LPP: variants seen among roughly 807,000 people sequenced by gnomAD.
LPP encodes lipoma-preferred partner.
In LPP, 38 loss-of-function variants were observed where a neutral mutation model predicts 60.4. The observed-to-expected ratio is 0.63, with a 90% CI of 0.49 to 0.83. The LOEUF is 0.83. Ranked by LOEUF, LPP falls within the 40% of genes least tolerant of loss-of-function variation. The pLI is 0.00. For synonymous variants in LPP, 328 were observed against 290.8 expected (o/e 1.13, Z -1.30); for missense variants, 902 against 783.6 (o/e 1.15, Z -1.80).
Position 188,882,487 on chromosome 3 carries a change from C to T in LPP, c.*8008C>T, listed in dbSNP as rs138387454. The T allele has an allele frequency of 3.7e-3, 837 of 226,406 alleles. 7 individuals carry two copies. The highest frequency in any genetic ancestry group is 0.018 in the African/African-American group (791 of 45,048). The allele number at this position is 226,406 out of a possible 1,614,324, so 14.0% of individuals were successfully genotyped here. ...AGAAGATGATCTGCCAAAATATAAC[C>T]CAGCATGCACAGTATGGACAGGAAG... On this transcript the variant is annotated 3_prime_UTR_variant, in exon 12 of 12. Transcript: ENST00000617246.
Position 188,674,641 on chromosome 3 carries a change from TTTC to T in LPP, c.1114-33620_1114-33618del, listed in dbSNP as rs1857621711. On this transcript the variant is annotated intron_variant, in intron 7 of 11. Coordinates refer to ENST00000617246, the MANE Select transcript of LPP (RefSeq NM_001375462.1). ...ACTTTTCAACAAACATTGGGCTGGGTTTCTTCTTTACATTTTCTCATTTAATCT... is the reference window on the plus strand; with the variant it reads ...ACTTTTCAACAAACATTGGGCTGGGTTTCTTTACATTTTCTCATTTAATCT... Among the ~76,000 whole-genome samples the T allele has an allele frequency of 2.6e-5, 4 of 152,294 alleles. No homozygotes were observed. In the South Asian group the frequency reaches 8.3e-4, roughly 32 times the overall value.
At chr3:188,525,379 TC>T (rs1820318545) in intron 6 of LPP, among the ~76,000 whole-genome samples, 1 of 152,236 alleles carries the variant, frequency 6.6e-6, no homozygotes, top group Non-Finnish European at 1.5e-5. Context: ...TTGAGTACTT[TC>T]TTTAAAAATA....
intron 8 of LPP, among the ~76,000 whole-genome samples, chr3:188,731,145 A>C (rs1223505302): frequency 2.6e-5 from 4 of 152,220 alleles, no homozygotes; most frequent in African/African-American, 9.6e-5. Flanking sequence ...TGCCTGTGAC[A>C]GTGCTCTTCT....
chr3:188,521,590 A>C (rs914638606), intron 5 of LPP, among the ~76,000 whole-genome samples: 1 of 152,190 alleles, frequency 6.6e-6, no homozygotes, highest in Non-Finnish European at 1.5e-5. Context: ...ATAATTAACA[A>C]TAGCTATATT....
At chr3:188,620,104 G>T (rs894521830) in intron 7 of LPP, among the ~76,000 whole-genome samples, 5 of 151,780 alleles carry the variant, frequency 3.3e-5, no homozygotes, top group African/African-American at 1.2e-4. Flanking sequence ...ACCTCATTCA[G>T]TATTTTTATA....
At chr3:188,787,738 T>C (rs4082871) in intron 9 of LPP, among the ~76,000 whole-genome samples, 97,170 of 152,026 alleles carry the variant, frequency 0.64, 31,479 homozygotes, top group East Asian at 0.9. Context: ...CTTCATTCCT[T>C]AAATTCTCCA....
In LPP at chr3:188,462,542, CTTTATATATATATA is replaced by C. The variant is rs1242282885; in HGVS notation, c.194-22048_194-22035del. Among the ~76,000 whole-genome samples the C allele has an allele frequency of 1.2e-3, 76 of 64,290 alleles. 2 individuals are homozygous for C. The highest frequency in any genetic ancestry group is 3.3e-3 in the Admixed American group (19 of 5,774). The allele number at this position is 64,290 out of a possible 152,430, so 42.2% of individuals were successfully genotyped here. On this transcript the variant is annotated intron_variant, in intron 4 of 11. Coordinates refer to ENST00000617246, the MANE Select transcript of LPP (RefSeq NM_001375462.1). ...TATAAATTTAGCCAATTTATATGAG[CTTTATATATATATA>C]TATATATATATATATATATATATAT...
intron 3 of LPP, among the ~76,000 whole-genome samples, chr3:188,403,905 G>A (rs1188488733): frequency 2.6e-5 from 4 of 152,096 alleles, no homozygotes; most frequent in African/African-American, 9.7e-5. Context: ...GTATGTGTGT[G>A]TATATATGAA....
At chr3:188,787,601 G>C (rs1354501712) in intron 9 of LPP, among the ~76,000 whole-genome samples, 1 of 152,008 alleles carries the variant, frequency 6.6e-6, no homozygotes, top group African/African-American at 2.4e-5. Context: ...TATCATTCTT[G>C]AGCTCTTGCA....
At chr3:188,510,119 A>G (rs1815006675) in intron 5 of LPP, among the ~76,000 whole-genome samples, 2 of 152,192 alleles carry the variant, frequency 1.3e-5, no homozygotes, top group African/African-American at 4.8e-5. Flanking sequence ...GGAACATTTC[A>G]TAAGAAAGCC....
intron 6 of LPP, among the ~76,000 whole-genome samples, chr3:188,553,129 G>A (rs1171623999): frequency 6.6e-6 from 1 of 152,118 alleles, no homozygotes; most frequent in Non-Finnish European, 1.5e-5. Context: ...CAATTGAAGT[G>A]GGTAGCTTGT....
At chr3:188,540,392 T>A (rs1180354612) in intron 6 of LPP, among the ~76,000 whole-genome samples, 1 of 152,246 alleles carries the variant, frequency 6.6e-6, no homozygotes, top group Non-Finnish European at 1.5e-5. Context: ...ATTTGTTATA[T>A]GCAAACATAA....
intron 1 of LPP, among the ~76,000 whole-genome samples, chr3:188,174,828 G>T (rs1180353328): frequency 6.6e-6 from 1 of 152,034 alleles, no homozygotes; most frequent in Non-Finnish European, 1.5e-5. Context: ...CTTGATTTCT[G>T]CCCATCCCCC....
intron 7 of LPP, among the ~76,000 whole-genome samples, chr3:188,628,771 A>T (rs1166910889): frequency 1.3e-5 from 2 of 152,108 alleles, no homozygotes; most frequent in African/African-American, 4.8e-5. Flanking sequence ...CATCATTCTG[A>T]TACCAAAACC....
At chr3:188,266,354 C>G (rs934746402) in intron 2 of LPP, among the ~76,000 whole-genome samples, 9 of 152,260 alleles carry the variant, frequency 5.9e-5, no homozygotes, top group Admixed American at 1.3e-4. Context: ...GGCTTTCTGC[C>G]GCACAGACAG....
chr3:188,381,891 C>G (rs1477905426), intron 3 of LPP, among the ~76,000 whole-genome samples: 2 of 152,008 alleles, frequency 1.3e-5, no homozygotes, highest in Non-Finnish European at 2.9e-5. Context: ...AAGCTATCCT[C>G]TCACCTCAGC....
chr3:188,158,007 T>C (rs1305450978), intron 1 of LPP, among the ~76,000 whole-genome samples: 1 of 152,050 alleles, frequency 6.6e-6, no homozygotes, highest in African/African-American at 2.4e-5. Context: ...TTTTAATAAG[T>C]AAGGTTTAAA....
intron 1 of LPP, among the ~76,000 whole-genome samples, chr3:188,161,561 G>C (rs1239321254): frequency 6.6e-6 from 1 of 152,146 alleles, no homozygotes; most frequent in African/African-American, 2.4e-5. Flanking sequence ...CTGATCCCTT[G>C]TTATACAGAT....
chr3:188,849,483 A>T (rs1762254744), intron 9 of LPP, among the ~76,000 whole-genome samples: 1 of 152,188 alleles, frequency 6.6e-6, no homozygotes, highest in African/African-American at 2.4e-5. Flanking sequence ...TGTGATTTTT[A>T]ATTAAGAAGC....
Sources: gnomAD v4.1 joint callset for allele counts (sites outside exome capture counted in the v4.1 genomes callset) on GRCh38, gnomAD v4.1.1 for gene constraint, MANE v1.5 for transcripts, NCBI Gene and HGNC (gene_info 2026-07-23, HGNC 2026-07-21) for gene names.